Variants in HTR2C observed in about 807,000 individuals in gnomAD.
HTR2C encodes 5-hydroxytryptamine receptor 2C, also known as 5-hydroxytryptamine (serotonin) receptor 2C, G protein-coupled.
In HTR2C, 5 loss-of-function variants were observed where a neutral mutation model predicts 21.0. The ratio of observed to expected loss-of-function variants is 0.24; its 90% CI spans 0.12 to 0.50. The LOEUF (loss-of-function observed/expected upper bound fraction) is 0.50, where lower values mean the gene tolerates loss of function less well. Among genes scored for constraint, HTR2C ranks in the 20% least tolerant of loss-of-function variants. The probability of loss-of-function intolerance (pLI) is 0.98; values close to 1 mark genes in which losing one functional copy is unlikely to be tolerated. For missense variants in HTR2C, 271 were observed against 371.2 expected (o/e 0.73, Z 2.22); for synonymous variants, 150 against 145.3 (o/e 1.03, Z -0.23).
chrX:114,879,033 T>TATATA (rs1556479160), intron 5 of HTR2C, among the ~76,000 whole-genome samples: 1 of 110,267 alleles, frequency 9.1e-6, no homozygotes, highest in African/African-American at 3.3e-5. Context: ...TTATTATATA[T>TATATA]TTTTTACTTT....
intron 4 of HTR2C, among the ~76,000 whole-genome samples, chrX:114,757,750 T>C (rs782515738): frequency 1.8e-5 from 2 of 112,240 alleles, no homozygotes; most frequent in South Asian, 3.7e-4. Flanking sequence ...CTAACAGAAT[T>C]GTTATATTCT....
intron 2 of HTR2C, among the ~76,000 whole-genome samples, chrX:114,716,250 T>C (rs184507612): frequency 8.8e-6 from 1 of 113,009 alleles, no homozygotes; most frequent in African/African-American, 3.2e-5. Context: ...CAATAGCTAC[T>C]TTAAGTCTAT....
intron 4 of HTR2C, among the ~76,000 whole-genome samples, chrX:114,743,681 G>A (rs1333371741): frequency 9.0e-6 from 1 of 111,189 alleles, no homozygotes; most frequent in African/African-American, 3.3e-5. Flanking sequence ...AGAAAAAGAC[G>A]GGTTGGTGCA....
At chrX:114,599,241 A>G (rs1927989007) in intron 1 of HTR2C, among the ~76,000 whole-genome samples, 1 of 111,951 alleles carries the variant, frequency 8.9e-6, no homozygotes, top group African/African-American at 3.2e-5. Flanking sequence ...TGTGTGTGTT[A>G]TATAATATCC....
chrX:114,657,252 GA>G (rs1219024726), intron 2 of HTR2C, among the ~76,000 whole-genome samples: 7 of 110,535 alleles, frequency 6.3e-5, no homozygotes, highest in African/African-American at 9.8e-5. Context: ...AATGGAACAA[GA>G]AAAAATTGTC....
At position 114,906,872 on chromosome X, in the gene HTR2C, A is replaced by G; in HGVS notation, c.834A>G (p.Ala278=). 8.3e-7 allele frequency: 1 copy of G among 1,211,453 alleles called. No individual in the cohort carries two copies. The highest frequency in any genetic ancestry group is 1.1e-6 in the Non-Finnish European group (1 of 895,523). Residue 278 remains alanine, a synonymous_variant, in exon 6 of 6, where the codon GCA becomes GCG. Transcript: ENST00000276198. ...KRNTAEEENS[A]NPNQDQNARR... ...ATACGGCCGAGGAAGAGAACTCTGC[A>G]AACCCTAACCAAGACCAGAACGCAC...
At chrX:114,636,132 C>A (rs1929837019) in intron 2 of HTR2C, among the ~76,000 whole-genome samples, 1 of 107,567 alleles carries the variant, frequency 9.3e-6, no homozygotes, top group Non-Finnish European at 1.9e-5. Context: ...CCTACCTCCC[C>A]GATCTAAAGA....
intron 4 of HTR2C, among the ~76,000 whole-genome samples, chrX:114,805,633 A>G (rs2070399951): frequency 5.4e-5 from 1 of 18,462 alleles, no homozygotes; most frequent in Non-Finnish European, 8.4e-5. Context: ...TACCATATAT[A>G]TACCATATAT....
At chrX:114,604,031 T>C (rs1928271776) in intron 1 of HTR2C, among the ~76,000 whole-genome samples, 1 of 107,271 alleles carries the variant, frequency 9.3e-6, no homozygotes, top group African/African-American at 3.4e-5. Flanking sequence ...TAAGGCGTGC[T>C]GCGGGATGGG....
chrX:114,680,067 T>G (rs1931694966), intron 2 of HTR2C, among the ~76,000 whole-genome samples: 1 of 112,186 alleles, frequency 8.9e-6, no homozygotes, highest in African/African-American at 3.2e-5. Flanking sequence ...GTAGAGAAAA[T>G]AAACAGAATT....
At chrX:114,797,220 T>C (rs2070301977) in intron 4 of HTR2C, among the ~76,000 whole-genome samples, 1 of 111,727 alleles carries the variant, frequency 9.0e-6, no homozygotes, top group South Asian at 3.7e-4. Flanking sequence ...TTGCATCTTA[T>C]AAGCCTTTAG....
chrX:114,869,003 CCT>C (rs2071069980), intron 5 of HTR2C, among the ~76,000 whole-genome samples: 1 of 109,880 alleles, frequency 9.1e-6, no homozygotes, highest in African/African-American at 3.3e-5. Context: ...CCCCCCAACC[CCT>C]GACAGGCCCC....
chrX:114,647,989 C>A (rs1265823851), intron 2 of HTR2C, among the ~76,000 whole-genome samples: 1 of 112,145 alleles, frequency 8.9e-6, no homozygotes, highest in African/African-American at 3.2e-5. Context: ...GAAAAGCATA[C>A]AAATTTATTT....
At chrX:114,798,813 T>C (rs781797724) in intron 4 of HTR2C, among the ~76,000 whole-genome samples, 1 of 111,578 alleles carries the variant, frequency 9.0e-6, no homozygotes, top group East Asian at 2.8e-4. Context: ...AAAAGCTTTC[T>C]CATTCTACAC....
intron 2 of HTR2C, among the ~76,000 whole-genome samples, chrX:114,671,151 G>T (rs1931364359): frequency 9.0e-6 from 1 of 111,510 alleles, no homozygotes; most frequent in Non-Finnish European, 1.9e-5. Flanking sequence ...CATTGAGGGA[G>T]AAATCAAACA....
chrX:114,883,258 A>C (rs1305421358), intron 5 of HTR2C, among the ~76,000 whole-genome samples: 1 of 110,471 alleles, frequency 9.1e-6, no homozygotes, highest in Non-Finnish European at 1.9e-5. Context: ...TCTGTCTGTC[A>C]TCTATCTACC....
At chrX:114,615,991 C>CAA (rs1556400117) in intron 2 of HTR2C, among the ~76,000 whole-genome samples, 1 of 112,038 alleles carries the variant, frequency 8.9e-6, no homozygotes, top group Non-Finnish European at 1.9e-5. Context: ...CAAATCTCAT[C>CAA]ATGTAGGTAT....
At chrX:114,604,687 C>T (rs1307642557) in intron 1 of HTR2C, among the ~76,000 whole-genome samples, 2 of 111,094 alleles carry the variant, frequency 1.8e-5, no homozygotes, top group South Asian at 3.9e-4. Context: ...GGGTCCCACA[C>T]AGATGGGACA....
In HTR2C at chrX:114,776,462, A is replaced by G. The variant is rs1434076252; in HGVS notation, c.349+44855A>G. 4 of 606,496 alleles carry G rather than the reference A, an allele frequency of 6.6e-6. No individual in the cohort carries two copies. The East Asian group carries it at 1.3e-4, about 20-fold the overall frequency. The allele number at this position is 606,496 out of a possible 1,213,427, so 50.0% of individuals were successfully genotyped here. A position where few individuals can be genotyped will look rare whatever the true frequency, so the allele number is the denominator to read the frequency against. The stretch of plus-strand genomic sequence containing the variant: ...GATTTTGGTCTCTCCCTTGTATTCT[A>G]CTTGGACCTTGGGCCTGTCAGTATC... On this transcript the variant is annotated intron_variant, in intron 4 of 5. Transcript: ENST00000276198.
Sources: gnomAD v4.1 joint callset for allele counts (sites outside exome capture counted in the v4.1 genomes callset) on GRCh38, gnomAD v4.1.1 for gene constraint, MANE v1.5 for transcripts, NCBI Gene and HGNC (gene_info 2026-07-23, HGNC 2026-07-21) for gene names.